ABHD12: variants seen among roughly 807,000 people sequenced by gnomAD.
The protein encoded by ABHD12 is lysophosphatidylserine lipase ABHD12.
ABHD12 carries 43 observed loss-of-function variants against 58.3 expected under a neutral mutation model. The observed-to-expected ratio is 0.74, with a 90% confidence interval of 0.58 to 0.95. ABHD12 has a LOEUF of 0.95. Ranked by LOEUF, ABHD12 falls within the 40% of genes least tolerant of loss-of-function variation. The probability of loss-of-function intolerance (pLI) is 0.00; values close to 1 mark genes in which losing one functional copy is unlikely to be tolerated. For missense variants in ABHD12, 539 were observed against 537.2 expected, an observed-to-expected ratio of 1.00 and a Z score of -0.03; for synonymous variants, 219 against 211.2, an observed-to-expected ratio of 1.04 and a Z score of -0.32.
intron 1 of ABHD12, among the ~76,000 whole-genome samples, chr20:25,372,213 G>T (rs944541436): frequency 6.6e-6 from 1 of 151,250 alleles, no homozygotes; most frequent in Admixed American, 6.6e-5. Context: ...AATTATCTCA[G>T]CCTCTTCTTT....
In ABHD12 at chr20:25,302,332, G is replaced by A. The variant is rs371418239; in HGVS notation, c.1044C>T (p.Ala348=). ...FQLGRKLYSI[A]APARSFRDFK... is the part of the protein sequence containing the mutation. Reference sequence around the variant, plus strand: ...AATCTCGGAAGCTTCGAGCTGGTGCGGCGATGCTATAGAGCTGGGGAGAGA... The same window carrying A: ...AATCTCGGAAGCTTCGAGCTGGTGCAGCGATGCTATAGAGCTGGGGAGAGA... Residue 348 remains alanine (A), a synonymous_variant, in exon 12 of 13, where the codon GCC becomes GCT. Transcript: ENST00000339157. 167 of 1,613,326 alleles carry A rather than the reference G, an allele frequency of 1.0e-4. No homozygotes were observed. The highest frequency in any genetic ancestry group is 4.5e-4 in the African/African-American group (34 of 74,902).
At chr20:25,308,548 A>G in intron 7 of ABHD12, 54 bp from the exon 8 acceptor site, 1 of 1,567,070 alleles carries the variant, frequency 6.4e-7, no homozygotes, top group South Asian at 1.2e-5. Flanking sequence ...GTTTGAGATG[A>G]TATGGGCCTT....
At chr20:25,295,110 T>G in intron 12 of ABHD12, 1 of 1,406,688 alleles carries the variant, frequency 7.1e-7, no homozygotes, top group Non-Finnish European at 1.0e-6. Context: ...TGAACAGAAA[T>G]GCATTTGTAG....
Position 25,300,257 on chromosome 20 carries a change from G to T in ABHD12, c.*588C>A. On this transcript the variant is annotated 3_prime_UTR_variant, in exon 13 of 13. Transcript: ENST00000339157. ...ATTCTTAAATAAAGCTCAGTCTAAG[G>T]CCAGGTTAGGTGTACAGGTAGGTGA... 1 of 1,009,628 alleles carries T rather than the reference G, an allele frequency of 9.9e-7. No homozygotes were observed. Among genetic ancestry groups the T allele is most frequent in the Non-Finnish European group, 1.2e-6 (1 of 843,504 alleles). 62.5% of individuals were successfully genotyped at this position (1,009,628 alleles called of 1,614,324 possible).
chr20:25,339,532 C>A, intron 1 of ABHD12, 181 bp from the exon 2 acceptor site: 1 of 1,392,408 alleles, frequency 7.2e-7, no homozygotes, highest in Non-Finnish European at 9.9e-7. Flanking sequence ...TTTACATAGT[C>A]TTTTAATTTG....
chr20:25,376,106 A>C (rs992237588), intron 1 of ABHD12, among the ~76,000 whole-genome samples: 2 of 152,134 alleles, frequency 1.3e-5, no homozygotes. Context: ...TGGGCGACAG[A>C]GTGAGACTCT....
intron 1 of ABHD12, among the ~76,000 whole-genome samples, chr20:25,361,397 G>GTT (rs1321660366): frequency 6.6e-6 from 1 of 151,224 alleles, no homozygotes; most frequent in African/African-American, 2.5e-5. Flanking sequence ...GTCTATGCGT[G>GTT]TTTTTTGTTT....
intron 1 of ABHD12, among the ~76,000 whole-genome samples, chr20:25,388,844 A>G (rs1237771015): frequency 7.9e-6 from 1 of 127,226 alleles, no homozygotes; most frequent in Non-Finnish European, 1.6e-5. Flanking sequence ...GCTGGAGTGC[A>G]CTGGTGCGAT....
At chr20:25,377,387 G>A (rs1053802720) in intron 1 of ABHD12, among the ~76,000 whole-genome samples, 4 of 152,150 alleles carry the variant, frequency 2.6e-5, no homozygotes, top group African/African-American at 7.2e-5. Context: ...TTAAATAACT[G>A]AGGTCAGTAA....
intron 1 of ABHD12, among the ~76,000 whole-genome samples, chr20:25,383,954 C>CAAAAAAAAAAAAAAAAAAA (rs1201588127): frequency 1.9e-5 from 1 of 53,374 alleles, no homozygotes; most frequent in African/African-American, 5.4e-5. Context: ...GACTCTTTCT[C>CAAAAAAAAAAAAAAAAAAA]AAAAAAAAAA....
chr20:25,295,420 G>A (rs1203316069), downstream of ABHD12, among the ~76,000 whole-genome samples: 1 of 152,280 alleles, frequency 6.6e-6, no homozygotes, highest in Non-Finnish European at 1.5e-5. Context: ...GTTGCTCACA[G>A]AGAAGCCCTG....
intron 2 of ABHD12, 118 bp from the exon 3 acceptor site, chr20:25,323,548 CAT>C (rs1352440539): frequency 2.7e-5 from 20 of 730,016 alleles, no homozygotes; most frequent in Non-Finnish European, 5.0e-5. Context: ...CACACACACA[CAT>C]GCACACCCAC....
intron 12 of ABHD12, chr20:25,295,115 T>C (rs2088520143): frequency 3.6e-6 from 5 of 1,373,572 alleles, no homozygotes; most frequent in South Asian, 1.2e-5. Context: ...AGAAATGCAT[T>C]TGTAGATTCA....
At chr20:25,295,457 G>A, downstream of ABHD12, 1 of 844,118 alleles carries the variant, frequency 1.2e-6, no homozygotes, top group South Asian at 1.5e-5. Flanking sequence ...GTGCAGCCTG[G>A]CTCTGACCAG....
intron 1 of ABHD12, among the ~76,000 whole-genome samples, chr20:25,379,331 T>G (rs560275683): frequency 6.6e-6 from 1 of 152,274 alleles, no homozygotes; most frequent in Non-Finnish European, 1.5e-5. Flanking sequence ...CGTGGGGAAC[T>G]GAGAGAGAGA....
chr20:25,368,178 G>A lies in ABHD12; in HGVS notation c.191+22335C>T, dbSNP rs373139327. 143 of 1,022,360 alleles carry A rather than the reference G, an allele frequency of 1.4e-4. No individual in the cohort carries two copies. The African/African-American group carries it at 1.8e-3, about 13-fold the overall frequency. The allele number at this position is 1,022,360 out of a possible 1,614,324, so 63.3% of individuals were successfully genotyped here. On this transcript the variant is annotated intron_variant, in intron 1 of 12. Transcript: ENST00000339157. The stretch of plus-strand genomic sequence containing the variant: ...AAGGGAACTGCAGCAAGAGCACAAA[G>A]ATTCTAGGATACTGAGAGCAAATGG...
chr20:25,296,602 C>A (rs2088550931), downstream of ABHD12: 2 of 1,511,190 alleles, frequency 1.3e-6, no homozygotes, highest in Non-Finnish European at 1.8e-6. Flanking sequence ...AAACACTTTG[C>A]CAGCCACTGG....
chr20:25,307,941 A>G (rs191089093), intron 9 of ABHD12, 25 bp downstream of exon 9: 11 of 1,340,628 alleles, frequency 8.2e-6, no homozygotes, highest in Non-Finnish European at 9.6e-6. Context: ...ATGAAAAGTT[A>G]ATTTTTAATA....
chr20:25,387,648 G>A (rs1280420662), intron 1 of ABHD12, among the ~76,000 whole-genome samples: 1 of 149,540 alleles, frequency 6.7e-6, no homozygotes, highest in African/African-American at 2.5e-5. Flanking sequence ...ATCGATATGG[G>A]AGGATCGCCT....
Sources: gnomAD v4.1 joint callset for allele counts (sites outside exome capture counted in the v4.1 genomes callset) on GRCh38, gnomAD v4.1.1 for gene constraint, MANE v1.5 for transcripts, NCBI Gene and HGNC (gene_info 2026-07-23, HGNC 2026-07-21) for gene names.